Variants in SNX5 observed in about 807,000 individuals in gnomAD.
SNX5 encodes the protein sorting nexin-5.
A neutral mutation model predicts 53.9 loss-of-function variants in SNX5; 31 were observed. That is an observed-to-expected ratio of 0.58 (90% CI 0.43 to 0.78). The LOEUF (loss-of-function observed/expected upper bound fraction) is 0.78. Among genes scored for constraint, SNX5 ranks in the 30% least tolerant of loss-of-function variants. SNX5 has a pLI of 0.00. For missense variants in SNX5, 471 were observed against 478.8 expected (o/e 0.98, Z 0.15); for synonymous variants, 168 against 171.1 (o/e 0.98, Z 0.14).
rs756929052 is a variant in SNX5 at position 17,957,056 on chromosome 20, G to A, written c.52-19C>T. The A allele has an allele frequency of 3.5e-5, 50 of 1,421,426 alleles. No individual in the cohort carries two copies. The highest frequency in any genetic ancestry group is 2.0e-4 in the East Asian group (9 of 44,022). The allele number at this position is 1,421,426 out of a possible 1,614,324, so 88.1% of individuals were successfully genotyped here. On this transcript the variant is annotated intron_variant, in intron 1 of 12. Coordinates refer to ENST00000377759, the MANE Select transcript of SNX5 (RefSeq NM_014426.4). ...ATCTCAGCTGAAATACATTTTTTGC[G>A]TATTAGTTTCAAACTCATTTGGCCC...
chr20:17,957,121 G>T, intron 1 of SNX5, 84 bp from the exon 2 acceptor site: 6 of 810,696 alleles, frequency 7.4e-6, no homozygotes, highest in Non-Finnish European at 1.1e-5. Context: ...CTAAAAAGCA[G>T]TTTATACATA....
chr20:17,961,343 G>C, intron 1 of SNX5: 1 of 985,370 alleles, frequency 1.0e-6, no homozygotes, highest in Non-Finnish European at 1.2e-6. Flanking sequence ...AACACAAAAG[G>C]CAAGATTCTA....
At chr20:17,946,735 T>C (rs1439254795) in intron 11 of SNX5, among the ~76,000 whole-genome samples, 2 of 152,178 alleles carry the variant, frequency 1.3e-5, no homozygotes, top group East Asian at 3.9e-4. Flanking sequence ...GGGAGGAAGT[T>C]TGATGAAGAC....
At chr20:17,962,044 A>T (rs142715799) in intron 1 of SNX5, 2 of 934,532 alleles carry the variant, frequency 2.1e-6, no homozygotes, top group Non-Finnish European at 2.6e-6. Context: ...CTCAGGAAAC[A>T]ATGTTCCCAT....
rs764557729 is a variant in SNX5, at chr20:17,950,447, G to A, written c.610-51C>T. ...ACATTTCATGAAATATACTATCCCT[G>A]CAGCCTTTTACATTTATCAATATAA... On this transcript the variant is annotated intron_variant, in intron 6 of 12. Transcript: ENST00000377759. The A allele has an allele frequency of 1.1e-5, 11 of 1,028,286 alleles. No homozygotes were observed. In the East Asian group the frequency reaches 2.2e-4, roughly 20 times the overall value. 63.7% of individuals were successfully genotyped at this position (1,028,286 alleles called of 1,614,324 possible).
At chr20:17,961,737 G>A in intron 1 of SNX5, 2 of 985,296 alleles carry the variant, frequency 2.0e-6, no homozygotes, top group South Asian at 4.7e-5. Flanking sequence ...TAGCCTCTAG[G>A]GATTTTGTTT....
chr20:17,946,224 G>C (rs1230689930), intron 11 of SNX5, among the ~76,000 whole-genome samples: 1 of 152,206 alleles, frequency 6.6e-6, no homozygotes, highest in African/African-American at 2.4e-5. Flanking sequence ...GTGTGCAACG[G>C]CATATGTGTG....
intron 2 of SNX5, among the ~76,000 whole-genome samples, chr20:17,956,673 C>CAAAAAAAAAA (rs59252584): frequency 1.7e-3 from 146 of 84,882 alleles, no homozygotes; most frequent in Non-Finnish European, 2.0e-3. Flanking sequence ...AGACTGTCTC[C>CAAAAAAAAAA]AAAAAAAAAA....
At chr20:17,967,408 A>C (rs965359280) in intron 1 of SNX5, among the ~76,000 whole-genome samples, 1 of 152,156 alleles carries the variant, frequency 6.6e-6, no homozygotes, top group Admixed American at 6.5e-5. Flanking sequence ...AATTAATGCA[A>C]TGATACCCTT....
intron 1 of SNX5, among the ~76,000 whole-genome samples, chr20:17,957,446 AAG>A: frequency 6.6e-6 from 1 of 152,062 alleles, no homozygotes; most frequent in Admixed American, 6.5e-5. Flanking sequence ...AAAAAAAAAA[AAG>A]AATTAAAAAT....
intron 2 of SNX5, among the ~76,000 whole-genome samples, chr20:17,956,371 T>G (rs1008231283): frequency 6.6e-6 from 1 of 152,210 alleles, no homozygotes; most frequent in African/African-American, 2.4e-5. Flanking sequence ...TTTCCCAATT[T>G]AGTAAATGCT....
chr20:17,955,610 TG>T, intron 2 of SNX5, 135 bp from the exon 3 acceptor site: 1 of 603,162 alleles, frequency 1.7e-6, no homozygotes, highest in Non-Finnish European at 3.0e-6. Flanking sequence ...CAGTTATACA[TG>T]ATCTCCTGTC....
intron 1 of SNX5, among the ~76,000 whole-genome samples, chr20:17,960,423 G>A (rs941554523): frequency 1.3e-5 from 2 of 152,110 alleles, no homozygotes; most frequent in Admixed American, 6.5e-5. Flanking sequence ...GTGAAACCCC[G>A]TCTCTACCAA....
intron 1 of SNX5, chr20:17,967,602 T>C (rs965411574): frequency 3.3e-5 from 5 of 153,384 alleles, no homozygotes; most frequent in African/African-American, 7.2e-5. Context: ...ACGTTGACGA[T>C]TCTGCAAGAA....
chr20:17,947,533 T>A lies in SNX5; in HGVS notation c.1031A>T (p.Gln344Leu), dbSNP rs994789511. The stretch of plus-strand genomic sequence containing the variant: ...TTGTTCAAATTTCTGGCAGCACTCC[T>A]GCTGGTGTGCCTCAGCCAACTTGAC... Reference protein sequence around the residue: ...KDVKLAEAHQQECCQKFEQLS... With the variant: ...KDVKLAEAHQLECCQKFEQLS... Residue 344 changes from glutamine (Q) to leucine (L), a missense_variant, in exon 11 of 13, where the codon CAG becomes CTG. By Grantham distance (113) the Gln-to-Leu change is moderately radical (BLOSUM62 -2). Transcript: ENST00000377759. The A allele has an allele frequency of 6.2e-7, 1 of 1,613,956 alleles. No individual in the cohort carries two copies. The highest frequency in any genetic ancestry group is 8.5e-7 in the Non-Finnish European group (1 of 1,179,822).
chr20:17,948,490 T>C (rs745588699), intron 10 of SNX5, among the ~76,000 whole-genome samples: 10 of 152,260 alleles, frequency 6.6e-5, no homozygotes. Flanking sequence ...TTAAAACATA[T>C]TTGTTCAGGG....
chr20:17,962,903 G>A (rs764714886), intron 1 of SNX5: 2 of 518,908 alleles, frequency 3.9e-6, no homozygotes, highest in African/African-American at 1.9e-5. Context: ...AAGAAGGTCA[G>A]TGCAGCGCAC....
chr20:17,955,092 A>AG (rs1289010517), intron 3 of SNX5, among the ~76,000 whole-genome samples: 1 of 152,204 alleles, frequency 6.6e-6, no homozygotes, highest in East Asian at 1.9e-4. Flanking sequence ...AAAACATACC[A>AG]GAGAAAAACC....
At chr20:17,956,686 A>C (rs6080914) in intron 2 of SNX5, among the ~76,000 whole-genome samples, 220 of 80,074 alleles carry the variant, frequency 2.7e-3, no homozygotes, top group Non-Finnish European at 4.9e-3. Context: ...AAAAAAAAAA[A>C]AAAAAAAAAA....
Sources: gnomAD v4.1 joint callset for allele counts (sites outside exome capture counted in the v4.1 genomes callset) on GRCh38, gnomAD v4.1.1 for gene constraint, MANE v1.5 for transcripts, NCBI Gene and HGNC (gene_info 2026-07-23, HGNC 2026-07-21) for gene names.